The following SCP2 variants were observed in gnomAD, a reference collection of about 807,000 sequenced individuals.
The protein encoded by SCP2 is sterol carrier protein 2.
Under a neutral mutation model 71.4 loss-of-function variants are expected in SCP2, and 48 were observed. That is an observed-to-expected ratio of 0.67 (90% CI 0.53 to 0.86). The LOEUF (loss-of-function observed/expected upper bound fraction) is 0.86. SCP2 is among the 40% of genes least tolerant of loss of function. The pLI is 0.00. For synonymous variants in SCP2, 220 were observed against 218.1 expected (o/e 1.01, Z -0.08); for missense variants, 560 against 655.6 (o/e 0.85, Z 1.59).
intron 13 of SCP2, among the ~76,000 whole-genome samples, chr1:53,035,108 A>G (rs902060887): frequency 2.7e-5 from 4 of 147,868 alleles, no homozygotes; most frequent in Non-Finnish European, 5.9e-5. Context: ...TCTGTCTCAA[A>G]GAAAAAAAAA....
intron 4 of SCP2, among the ~76,000 whole-genome samples, chr1:52,951,907 C>T (rs572639147): frequency 1.4e-4 from 22 of 151,932 alleles, no homozygotes; most frequent in South Asian, 4.2e-4. Context: ...TTAATAGAGA[C>T]GGGGTTTCAC....
rs76787163 is a variant in SCP2, at chr1:52,958,157, C to T, written c.397-3346C>T. Among the ~76,000 whole-genome samples, 1,394 of 151,184 alleles carry T rather than the reference C, an allele frequency of 9.2e-3. 94 individuals carry two copies. The East Asian group carries it at 0.19, about 21-fold the overall frequency. ...TGAATTTTTTTTTGTCAATACCACA[C>T]TGTCTTAATTACTGTAGCTTTAGGT... On this transcript the variant is annotated intron_variant, in intron 5 of 15. Coordinates refer to ENST00000371514, the MANE Select transcript of SCP2 (RefSeq NM_002979.5).
chr1:52,976,813 TG>T, intron 8 of SCP2, 44 bp downstream of exon 8: 3 of 944,332 alleles, frequency 3.2e-6, no homozygotes, highest in Non-Finnish European at 5.3e-6. Context: ...AAGTAACTGC[TG>T]CCCTTCCTGC....
rs543328320 is a variant in SCP2 at position 52,981,174 on chromosome 1, C to T, written c.973+631C>T. Among the ~76,000 whole-genome samples the T allele has an allele frequency of 4.6e-5, 7 of 152,304 alleles. No homozygotes were observed. In the South Asian group the frequency reaches 1.2e-3, roughly 27 times the overall value. The stretch of plus-strand genomic sequence containing the variant: ...CTCAAACTCCTGACCTCAGGTGATC[C>T]ACCCACCTAGGCTTCCTAAAGTGCT... On this transcript the variant is annotated intron_variant, in intron 10 of 15. Transcript: ENST00000371514.
rs12566479 is a variant in SCP2 at position 52,960,744 on chromosome 1, A to G, written c.397-759A>G. Among the ~76,000 whole-genome samples, 1,156 of 138,714 alleles carry G rather than the reference A, an allele frequency of 8.3e-3. 6 individuals are homozygous for G. Among genetic ancestry groups the G allele is most frequent in the Middle Eastern group, 0.071 (20 of 280 alleles). 91.0% of individuals were successfully genotyped at this position (138,714 alleles called of 152,430 possible). ...TGTGTGTGTGTGTGTGTGTGTGTGT[A>G]TATTTATTTATTTATTCATTCCCAA... is the stretch of plus-strand genomic sequence containing the variant. On this transcript the variant is annotated intron_variant, in intron 5 of 15. Transcript: ENST00000371514.
chr1:53,007,933 A>C (rs1209191689), intron 11 of SCP2, among the ~76,000 whole-genome samples: 2 of 152,194 alleles, frequency 1.3e-5, no homozygotes, highest in African/African-American at 4.8e-5. Context: ...GCAATAAAAA[A>C]TGATAAAGGG....
intron 5 of SCP2, among the ~76,000 whole-genome samples, chr1:52,959,776 T>C (rs561972364): frequency 1.3e-5 from 2 of 152,268 alleles, no homozygotes; most frequent in East Asian, 3.9e-4. Context: ...CCTTCCCTTC[T>C]TCTGGTGTTG....
chr1:53,008,075 C>T (rs149555169), intron 11 of SCP2, among the ~76,000 whole-genome samples: 1,551 of 152,118 alleles, frequency 0.01, 33 homozygotes, highest in African/African-American at 0.036. Flanking sequence ...TAAGACTAAA[C>T]GAGGAAGAAG....
chr1:53,041,178 C>T (rs888752507), intron 14 of SCP2, among the ~76,000 whole-genome samples: 20 of 152,000 alleles, frequency 1.3e-4, no homozygotes, highest in South Asian at 4.2e-4. Flanking sequence ...CCGAGGCGGG[C>T]GGATTACGAG....
chr1:52,944,413 C>G (rs1410425021), intron 2 of SCP2, among the ~76,000 whole-genome samples: 1 of 152,104 alleles, frequency 6.6e-6, no homozygotes, highest in Non-Finnish European at 1.5e-5. Context: ...GGAATCAGAG[C>G]ATGTCTGTTC....
intron 11 of SCP2, among the ~76,000 whole-genome samples, chr1:53,009,188 A>G (rs1014190154): frequency 6.6e-6 from 1 of 152,212 alleles, no homozygotes; most frequent in Non-Finnish European, 1.5e-5. Flanking sequence ...TATCGTGAAA[A>G]TGGCCGTACT....
intron 6 of SCP2, among the ~76,000 whole-genome samples, chr1:52,971,524 A>G (rs930245665): frequency 1.3e-5 from 2 of 152,242 alleles, no homozygotes; most frequent in South Asian, 4.1e-4. Flanking sequence ...ACAGGAGAAA[A>G]GGCATACAAA....
intron 5 of SCP2, among the ~76,000 whole-genome samples, chr1:52,960,602 G>GTATA (rs1656307780): frequency 3.5e-5 from 5 of 141,478 alleles, no homozygotes; most frequent in Non-Finnish European, 3.0e-5. Flanking sequence ...ATGTATATAT[G>GTATA]TATGTATATA....
In SCP2 at chr1:52,960,516, G is replaced by GTA. The variant is rs1553145912; in HGVS notation, c.397-986_397-985insAT. Among the ~76,000 whole-genome samples the GTA allele has an allele frequency of 2.0e-4, 23 of 117,418 alleles. 1 individual carries two copies. Among genetic ancestry groups the GTA allele is most frequent in the Admixed American group, 1.9e-3 (20 of 10,774 alleles). The allele number at this position is 117,418 out of a possible 152,430, so 77.0% of individuals were successfully genotyped here. ...TGTGTGTGTGTGTGTGTGTGTGTGT[G>GTA]TGTATATGTGTGTATATATATGTAT... On this transcript the variant is annotated intron_variant, in intron 5 of 15. Coordinates refer to ENST00000371514, the MANE Select transcript of SCP2 (RefSeq NM_002979.5).
intron 11 of SCP2, among the ~76,000 whole-genome samples, chr1:53,002,527 T>C (rs1660383490): frequency 6.6e-6 from 1 of 152,244 alleles, no homozygotes; most frequent in Admixed American, 6.5e-5. Flanking sequence ...TCAGAGAGGC[T>C]GTGCACAAAA....
chr1:52,935,742 C>T (rs963282378), intron 1 of SCP2, among the ~76,000 whole-genome samples: 1 of 151,470 alleles, frequency 6.6e-6, no homozygotes, highest in Non-Finnish European at 1.5e-5. Context: ...GTTTGAGACC[C>T]GTCTGGGCAA....
chr1:52,930,958 T>G (rs1421813336), intron 1 of SCP2, among the ~76,000 whole-genome samples: 1 of 152,208 alleles, frequency 6.6e-6, no homozygotes, highest in Non-Finnish European at 1.5e-5. Context: ...ACAAAGTTCC[T>G]GTTTTAAAGG....
rs577426173 is a variant in SCP2 at position 52,997,147 on chromosome 1, C to T, written c.1081+9011C>T. 3.9e-5 allele frequency among the ~76,000 whole-genome samples: 6 copies of T among 152,258 alleles called. 1 individual carries two copies. In the South Asian group the frequency reaches 1.2e-3, roughly 32 times the overall value. On this transcript the variant is annotated intron_variant, in intron 11 of 15. Coordinates refer to ENST00000371514, the MANE Select transcript of SCP2 (RefSeq NM_002979.5). ...CAGATGTCTATCATCAACTGATGAG[C>T]AAAATGTGGTATATTTATTTTTATT...
chr1:53,001,249 G>A (rs1660299251), intron 11 of SCP2, among the ~76,000 whole-genome samples: 1 of 152,046 alleles, frequency 6.6e-6, no homozygotes, highest in Middle Eastern at 3.2e-3. Context: ...TGTAGAAGAA[G>A]TACAAAGCAG....
Sources: gnomAD v4.1 joint callset for allele counts (sites outside exome capture counted in the v4.1 genomes callset) on GRCh38, gnomAD v4.1.1 for gene constraint, MANE v1.5 for transcripts, NCBI Gene and HGNC (gene_info 2026-07-23, HGNC 2026-07-21) for gene names.